The following AKR1B1 variants were observed in gnomAD, a reference collection of about 807,000 sequenced individuals.
AKR1B1 encodes aldo-keto reductase family 1 member B.
A neutral mutation model predicts 40.4 loss-of-function variants in AKR1B1; 22 were observed. The observed-to-expected ratio is 0.54, with a 90% CI of 0.39 to 0.78. The LOEUF (loss-of-function observed/expected upper bound fraction) is 0.78. AKR1B1 is among the 30% of genes least tolerant of loss of function. AKR1B1 has a pLI of 0.00. For missense variants in AKR1B1, 357 were observed against 396.7 expected (o/e 0.90, Z 0.85); for synonymous variants, 157 against 149.9 (o/e 1.05, Z -0.35).
chr7:134,449,459 C>A (rs1356781531), intron 4 of AKR1B1: 9 of 572,532 alleles, frequency 1.6e-5, no homozygotes, highest in South Asian at 1.4e-4. Context: ...TGGTGGCGGG[C>A]ACCTGTAGTC....
chr7:134,449,348 A>T, intron 4 of AKR1B1: 2 of 608,044 alleles, frequency 3.3e-6, no homozygotes, highest in South Asian at 1.9e-5. Flanking sequence ...GCACTTTGGG[A>T]GGCTGAGGCG....
chr7:134,442,563 C>T lies in AKR1B1; in HGVS notation c.*165G>A. 1 of 632,044 alleles carries T rather than the reference C, an allele frequency of 1.6e-6. No homozygotes were observed. Among genetic ancestry groups the T allele is most frequent in the South Asian group, 1.9e-5 (1 of 51,926 alleles). The allele number at this position is 632,044 out of a possible 1,614,324, so 39.2% of individuals were successfully genotyped here. A position where few individuals can be genotyped will look rare whatever the true frequency, so the allele number is the denominator to read the frequency against. On this transcript the variant is annotated 3_prime_UTR_variant, in exon 10 of 10. Coordinates refer to ENST00000285930, the MANE Select transcript of AKR1B1 (RefSeq NM_001628.4). ...CTGGAAGAGACTTCTACTCTACTGA[C>T]AGGGCTCTTGAGATCCAACATCAAG...
chr7:134,456,585 C>T (rs551725215), intron 1 of AKR1B1, among the ~76,000 whole-genome samples: 4 of 151,844 alleles, frequency 2.6e-5, no homozygotes, highest in African/African-American at 7.3e-5. Context: ...CACCATTCCC[C>T]GCTGCCCCCA....
chr7:134,452,746 A>G (rs376305589), intron 1 of AKR1B1, among the ~76,000 whole-genome samples: 2 of 150,528 alleles, frequency 1.3e-5, no homozygotes, highest in Admixed American at 1.3e-4. Flanking sequence ...GAAAAGAAAA[A>G]CCCCCCAGGG....
chr7:134,443,040 C>T (rs968591075), intron 9 of AKR1B1, among the ~76,000 whole-genome samples: 8 of 152,156 alleles, frequency 5.3e-5, no homozygotes, highest in Admixed American at 2.6e-4. Context: ...CCGTGCAGGA[C>T]GGCAACACGA....
chr7:134,451,297 C>A, intron 2 of AKR1B1: 1 of 540,956 alleles, frequency 1.8e-6, no homozygotes, highest in Non-Finnish European at 3.3e-6. Flanking sequence ...AGATGGGAAC[C>A]AAGTTCCATC....
rs781510920 is a variant in AKR1B1, at chr7:134,451,605, T to C, written c.215A>G (p.Glu72Gly). 2.5e-5 allele frequency: 40 copies of C among 1,613,856 alleles called. No individual in the cohort carries two copies. Among genetic ancestry groups the C allele is most frequent in the Non-Finnish European group, 3.3e-5 (39 of 1,179,994 alleles). Residue 72 changes from glutamate to glycine, a missense_variant, in exon 2 of 10, where the codon GAG becomes GGG. Physicochemically the swap from Glu to Gly is moderately conservative, Grantham distance 98. Coordinates refer to ENST00000285930, the MANE Select transcript of AKR1B1 (RefSeq NM_001628.4). ...KLREQVVKRE[E>G]LFIVSKLWCT... is the part of the protein sequence containing the mutation. ...CGATACCTTGCTGACGATGAAGAGCTCCTCACGCTTCACCACCTGCTCCCT... is the reference window on the plus strand; with the variant it reads ...CGATACCTTGCTGACGATGAAGAGCCCCTCACGCTTCACCACCTGCTCCCT...
At chr7:134,449,947 T>G in intron 3 of AKR1B1, 150 bp from the exon 4 acceptor site, 3 of 725,782 alleles carry the variant, frequency 4.1e-6, no homozygotes, top group South Asian at 1.5e-5. Context: ...AATAGGCAGA[T>G]AGCCAACACT....
chr7:134,444,844 G>T (rs2691839), intron 9 of AKR1B1: 3 of 327,698 alleles, frequency 9.2e-6, no homozygotes, highest in South Asian at 8.7e-5. Context: ...AGCCCCAGGG[G>T]CTCCCGACCA....
rs1464482395 is a variant in AKR1B1 at position 134,459,078 on chromosome 7, C to G, written c.-16G>C. ...GGCTTGCCATGGCTGCTGCGCTCCCCAGACCCCCGCCCAGTACGGTGCGGC... is the reference window on the plus strand; with the variant it reads ...GGCTTGCCATGGCTGCTGCGCTCCCGAGACCCCCGCCCAGTACGGTGCGGC... On this transcript the variant is annotated 5_prime_UTR_variant, in exon 1 of 10. Transcript: ENST00000285930. 6.3e-7 allele frequency: 1 copy of G among 1,597,640 alleles called. No individual in the cohort carries two copies. The highest frequency in any genetic ancestry group is 2.3e-5 in the East Asian group (1 of 44,000).
At chr7:134,455,357 T>A (rs1267906346) in intron 1 of AKR1B1, among the ~76,000 whole-genome samples, 1 of 152,056 alleles carries the variant, frequency 6.6e-6, no homozygotes, top group Non-Finnish European at 1.5e-5. Flanking sequence ...GGCTCCTAGG[T>A]GGGAGGGAGG....
intron 1 of AKR1B1, among the ~76,000 whole-genome samples, chr7:134,457,985 A>T (rs1295576184): frequency 6.6e-6 from 1 of 152,094 alleles, no homozygotes; most frequent in Non-Finnish European, 1.5e-5. Context: ...GGGCAACGAG[A>T]CCCTGTCACA....
chr7:134,449,208 C>A (rs1806202559), intron 4 of AKR1B1, 89 bp from the exon 5 acceptor site: 1 of 1,559,076 alleles, frequency 6.4e-7, no homozygotes, highest in Non-Finnish European at 8.8e-7. Flanking sequence ...ACGGGTCCTG[C>A]CCTCACTCTT....
At chr7:134,456,371 T>C (rs1177161180) in intron 1 of AKR1B1, among the ~76,000 whole-genome samples, 1 of 152,042 alleles carries the variant, frequency 6.6e-6, no homozygotes, top group Non-Finnish European at 1.5e-5. Flanking sequence ...GGCTAATTTT[T>C]TGTATTTTTA....
intron 1 of AKR1B1, among the ~76,000 whole-genome samples, chr7:134,456,393 G>T (rs1421255802): frequency 6.6e-6 from 1 of 151,930 alleles, no homozygotes; most frequent in East Asian, 1.9e-4. Context: ...TAGAGACGGG[G>T]TTTCACCATG....
chr7:134,451,018 A>ATGGT, intron 2 of AKR1B1, 116 bp from the exon 3 acceptor site: 1 of 843,596 alleles, frequency 1.2e-6, no homozygotes, highest in South Asian at 1.4e-5. Flanking sequence ...GATGCTGTGA[A>ATGGT]TGGTTGTGAG....
At chr7:134,451,943 C>G in intron 1 of AKR1B1, 190 bp from the exon 2 acceptor site, 2 of 660,698 alleles carry the variant, frequency 3.0e-6, no homozygotes, top group Non-Finnish European at 5.5e-6. Context: ...AAAGGCCACA[C>G]AGCATTGCCC....
intron 9 of AKR1B1, 63 bp downstream of exon 9, chr7:134,445,173 ACT>A: frequency 4.3e-6 from 6 of 1,392,870 alleles, no homozygotes; most frequent in Non-Finnish European, 6.0e-6. Flanking sequence ...TGCAGGGATC[ACT>A]CTCTTGCTGT....
chr7:134,449,504 G>A (rs996982304), intron 4 of AKR1B1: 26 of 593,238 alleles, frequency 4.4e-5, no homozygotes, highest in Admixed American at 1.5e-4. Flanking sequence ...GGAGAATGGC[G>A]TGAACCCAGG....
Sources: gnomAD v4.1 joint callset for allele counts (sites outside exome capture counted in the v4.1 genomes callset) on GRCh38, gnomAD v4.1.1 for gene constraint, MANE v1.5 for transcripts, NCBI Gene and HGNC (gene_info 2026-07-23, HGNC 2026-07-21) for gene names.